SPARC: variants seen among roughly 807,000 people sequenced by gnomAD.
SPARC encodes secreted protein acidic and cysteine rich, also known as basement-membrane protein 40.
In SPARC, 23 loss-of-function variants were observed where a neutral mutation model predicts 37.7. The observed-to-expected ratio is 0.61, with a 90% CI of 0.44 to 0.87. The LOEUF (loss-of-function observed/expected upper bound fraction) is 0.87, where lower values mean the gene tolerates loss of function less well. SPARC is among the 40% of genes least tolerant of loss of function. The pLI is 0.00. For synonymous variants in SPARC, 155 were observed against 150.8 expected (o/e 1.03, Z -0.20); for missense variants, 312 against 389.0 (o/e 0.80, Z 1.66).
At chr5:151,680,214 A>ATTTTTTTT (rs1258425937) in intron 1 of SPARC, among the ~76,000 whole-genome samples, 2 of 89,990 alleles carry the variant, frequency 2.2e-5, no homozygotes, top group African/African-American at 1.2e-4. Flanking sequence ...AGTGGAAAAC[A>ATTTTTTTT]TCTTTTTTTT....
At chr5:151,673,021 C>A in intron 4 of SPARC, 108 bp downstream of exon 4, 2 of 800,614 alleles carry the variant, frequency 2.5e-6, no homozygotes, top group South Asian at 2.8e-5. Context: ...ACTGAGGACC[C>A]CACCCTGCAT....
At chr5:151,677,799 AC>A (rs1412632934) in intron 1 of SPARC, among the ~76,000 whole-genome samples, 3 of 152,060 alleles carry the variant, frequency 2.0e-5, no homozygotes, top group Non-Finnish European at 4.4e-5. Context: ...GAGACACAAA[AC>A]CTCACCCCCT....
chr5:151,669,756 T>G lies in SPARC; in HGVS notation c.359A>C (p.Asp120Ala), dbSNP rs1581522799. The change falls in exon 6 of 10, where the codon GAC becomes GCC. Residue 120 changes from aspartate to alanine, a missense_variant. Physicochemically the swap from Asp to Ala is moderately radical, Grantham distance 126. Coordinates refer to ENST00000231061, the MANE Select transcript of SPARC (RefSeq NM_003118.4). ...KVCSNDNKTF[D>A]SSCHFFATKC... ...TGTGGCAAAGAAGTGGCAGGAAGAG[T>G]CGAAGGTCTTGTTGTCATTGCTGCA... The G allele has an allele frequency of 1.2e-6, 2 of 1,613,580 alleles. No individual in the cohort carries two copies. Among genetic ancestry groups the G allele is most frequent in the South Asian group, 1.1e-5 (1 of 91,046 alleles).
intron 1 of SPARC, chr5:151,686,319 A>C (rs1320126126): frequency 6.6e-6 from 1 of 152,226 alleles, no homozygotes; most frequent in African/African-American, 2.4e-5. Flanking sequence ...GGAGAATTAG[A>C]GGAAAACAGA....
chr5:151,667,932 C>A (rs2347126), intron 6 of SPARC, among the ~76,000 whole-genome samples: 2 of 152,012 alleles, frequency 1.3e-5, no homozygotes, highest in African/African-American at 4.8e-5. Flanking sequence ...ACGTCAACCA[C>A]TGGCAGGTGT....
intron 6 of SPARC, among the ~76,000 whole-genome samples, chr5:151,668,668 A>G (rs1220124132): frequency 6.6e-6 from 1 of 152,080 alleles, no homozygotes; most frequent in Non-Finnish European, 1.5e-5. Context: ...ATCTGGTGAT[A>G]AAAACCTTAG....
chr5:151,674,013 T>C (rs199923019), intron 3 of SPARC, among the ~76,000 whole-genome samples: 6,796 of 123,058 alleles, frequency 0.055, 178 homozygotes, highest in Admixed American at 0.12. Flanking sequence ...TGTGTGCTTG[T>C]TTGTTTGTTT....
Position 151,667,493 on chromosome 5 carries a change from G to T in SPARC, c.559C>A (p.Leu187Ile). The T allele has an allele frequency of 6.2e-7, 1 of 1,614,212 alleles. No homozygotes were observed. Among genetic ancestry groups the T allele is most frequent in the South Asian group, 1.1e-5 (1 of 91,084 alleles). The change falls in exon 7 of 10, where the codon CTT becomes ATT. Residue 187 changes from leucine to isoleucine, a missense_variant. Transcript: ENST00000231061. ...TLYERDEDNN[L>I]LTEKQKLRVK... ...CGCAGCTTCTGCTTCTCAGTCAGAA[G>T]GTTGTTGTCCTCATCCCTCTCATAC... is the stretch of plus-strand genomic sequence containing the variant.
At chr5:151,685,834 G>A (rs915361697) in intron 1 of SPARC, 1 of 152,204 alleles carries the variant, frequency 6.6e-6, no homozygotes, top group Non-Finnish European at 1.5e-5. Context: ...GGCAGACTGG[G>A]AATCCTGGAA....
intron 6 of SPARC, 175 bp from the exon 7 acceptor site, chr5:151,667,775 G>A: frequency 2.9e-6 from 2 of 679,210 alleles, no homozygotes; most frequent in Non-Finnish European, 4.9e-6. Context: ...TGTGTGGGAA[G>A]AATGCCCTAG....
In SPARC at chr5:151,686,907, G is replaced by C. The variant is rs1002388718; in HGVS notation, c.-56C>G. 8.5e-5 allele frequency: 13 copies of C among 153,074 alleles called. No individual in the cohort carries two copies. The highest frequency in any genetic ancestry group is 2.2e-4 in the African/African-American group (9 of 41,412). The allele number at this position is 153,074 out of a possible 1,614,324, so 9.5% of individuals were successfully genotyped here. A position where few individuals can be genotyped will look rare whatever the true frequency, so the allele number is the denominator to read the frequency against. Reference sequence around the variant, plus strand: ...AGGCGGCAGGCAGAGCGCGCTCTCCGGGCAGTCTGAAGGACCGCGGGAATG... The same window carrying C: ...AGGCGGCAGGCAGAGCGCGCTCTCCCGGCAGTCTGAAGGACCGCGGGAATG... On this transcript the variant is annotated 5_prime_UTR_variant, in exon 1 of 10. Transcript: ENST00000231061.
intron 7 of SPARC, 66 bp from the exon 8 acceptor site, chr5:151,666,575 C>T: frequency 1.3e-6 from 2 of 1,491,934 alleles, no homozygotes. Flanking sequence ...TCGGGCCCTC[C>T]CACCCCTCCC....
chr5:151,668,221 C>T (rs2006935), intron 6 of SPARC, among the ~76,000 whole-genome samples: 84,659 of 150,346 alleles, frequency 0.56, 24,133 homozygotes, highest in Admixed American at 0.62. Context: ...GGCACAATCA[C>T]GGCTCACTGC....
intron 3 of SPARC, 113 bp from the exon 4 acceptor site, chr5:151,673,329 G>A (rs1760787500): frequency 3.8e-6 from 3 of 781,320 alleles, no homozygotes; most frequent in Non-Finnish European, 6.9e-6. Flanking sequence ...TGGGAATCCA[G>A]ATTTAATCTA....
At chr5:151,675,881 A>G (rs531818420) in intron 2 of SPARC, among the ~76,000 whole-genome samples, 31 of 152,206 alleles carry the variant, frequency 2.0e-4, no homozygotes. Context: ...ATCCTAGTTC[A>G]TTGCTGGGAG....
chr5:151,673,345 C>T (rs1760787826), intron 3 of SPARC, 129 bp from the exon 4 acceptor site: 1 of 722,996 alleles, frequency 1.4e-6, no homozygotes, highest in African/African-American at 1.7e-5. Context: ...ATCTATAGGC[C>T]TGCTGTGTTT....
chr5:151,684,245 T>C (rs1478754788), intron 1 of SPARC, among the ~76,000 whole-genome samples: 3 of 152,152 alleles, frequency 2.0e-5, no homozygotes, highest in African/African-American at 7.2e-5. Context: ...GCAGGCAAGC[T>C]ATTCCTTTGA....
intron 2 of SPARC, 104 bp downstream of exon 2, chr5:151,676,028 G>A (rs1760848017): frequency 3.5e-6 from 3 of 863,030 alleles, no homozygotes; most frequent in Non-Finnish European, 5.4e-6. Flanking sequence ...AACTTGAAAT[G>A]GGGAAGTCCC....
At chr5:151,672,963 CCA>C (rs927639034) in intron 4 of SPARC, 164 bp downstream of exon 4, 5 of 633,040 alleles carry the variant, frequency 7.9e-6, no homozygotes, top group African/African-American at 5.4e-5. Flanking sequence ...GGACTGAGTG[CCA>C]CAGTTTCCCA....
Sources: allele counts gnomAD v4.1 joint callset (sites outside exome capture counted in the v4.1 genomes callset), GRCh38; gene constraint gnomAD v4.1.1; transcripts MANE v1.5; gene names NCBI Gene and HGNC (gene_info 2026-07-23, HGNC 2026-07-21).